The following ZCCHC7 variants were observed in gnomAD, a reference collection of about 807,000 sequenced individuals.
ZCCHC7 encodes the protein zinc finger CCHC-type containing 7.
In ZCCHC7, 35 loss-of-function variants were observed where a neutral mutation model predicts 52.0. The ratio of observed to expected loss-of-function variants is 0.67; its 90% confidence interval spans 0.51 to 0.89. The LOEUF (loss-of-function observed/expected upper bound fraction) is 0.89. Ranked by LOEUF, ZCCHC7 falls within the 40% of genes least tolerant of loss-of-function variation. The pLI is 0.00. For missense variants in ZCCHC7, 574 were observed against 649.1 expected (o/e 0.88, Z 1.26); for synonymous variants, 217 against 221.5 (o/e 0.98, Z 0.18).
chr9:37,267,398 T>G (rs1256159551), intron 2 of ZCCHC7, among the ~76,000 whole-genome samples: 1 of 151,558 alleles, frequency 6.6e-6, no homozygotes, highest in African/African-American at 2.4e-5. Context: ...CATTTGGTGG[T>G]GGGGGGGAGA....
At chr9:37,247,016 A>G (rs185085457) in intron 2 of ZCCHC7, among the ~76,000 whole-genome samples, 17 of 152,290 alleles carry the variant, frequency 1.1e-4, no homozygotes, top group Admixed American at 9.2e-4. Flanking sequence ...GTTGTACAAC[A>G]GATATCTTTA....
chr9:37,256,669 C>G (rs186994498), intron 2 of ZCCHC7, among the ~76,000 whole-genome samples: 129 of 152,212 alleles, frequency 8.5e-4, no homozygotes, highest in Non-Finnish European at 1.7e-3. Flanking sequence ...CAAAATAAAA[C>G]TCGGTGAACC....
At chr9:37,158,926 A>G (rs2132883787) in intron 2 of ZCCHC7, among the ~76,000 whole-genome samples, 1 of 152,370 alleles carries the variant, frequency 6.6e-6, no homozygotes, top group Middle Eastern at 3.4e-3. Context: ...AGCCACTTCC[A>G]GTGCAATCCT....
intron 2 of ZCCHC7, among the ~76,000 whole-genome samples, chr9:37,181,106 T>C (rs982018746): frequency 6.6e-6 from 1 of 152,192 alleles, no homozygotes; most frequent in African/African-American, 2.4e-5. Flanking sequence ...CAAATTACTT[T>C]GTGTAGTTTT....
chr9:37,164,017 A>G (rs1240490357), intron 2 of ZCCHC7, among the ~76,000 whole-genome samples: 1 of 151,760 alleles, frequency 6.6e-6, no homozygotes, highest in Non-Finnish European at 1.5e-5. Context: ...CATGATGCCT[A>G]TACTATACTC....
At chr9:37,175,288 C>A (rs990624153) in intron 2 of ZCCHC7, among the ~76,000 whole-genome samples, 1 of 152,102 alleles carries the variant, frequency 6.6e-6, no homozygotes, top group African/African-American at 2.4e-5. Context: ...TAAACCGTAT[C>A]GCAGAATAGC....
intron 6 of ZCCHC7, among the ~76,000 whole-genome samples, chr9:37,347,120 G>C (rs1451924919): frequency 6.6e-6 from 1 of 152,148 alleles, no homozygotes; most frequent in African/African-American, 2.4e-5. Context: ...AAAGCGTGGG[G>C]GTGTGCAGGG....
chr9:37,286,472 A>G (rs1485834288), intron 2 of ZCCHC7, among the ~76,000 whole-genome samples: 2 of 152,124 alleles, frequency 1.3e-5, no homozygotes, highest in Non-Finnish European at 2.9e-5. Flanking sequence ...AGCCTGGGCA[A>G]CATGGTGGAA....
At chr9:37,185,040 C>CT (rs796288751) in intron 2 of ZCCHC7, among the ~76,000 whole-genome samples, 4 of 151,388 alleles carry the variant, frequency 2.6e-5, no homozygotes, top group South Asian at 2.1e-4. Flanking sequence ...TTGCTGAGAT[C>CT]TTTTTTTTTC....
intron 2 of ZCCHC7, among the ~76,000 whole-genome samples, chr9:37,289,637 A>AT (rs1248510437): frequency 4.0e-5 from 6 of 151,694 alleles, no homozygotes; most frequent in Non-Finnish European, 7.4e-5. Flanking sequence ...CTTCCCATCT[A>AT]TTTTTTCTTC....
At chr9:37,138,933 A>G (rs1438634386) in intron 2 of ZCCHC7, among the ~76,000 whole-genome samples, 2 of 151,970 alleles carry the variant, frequency 1.3e-5, no homozygotes, top group African/African-American at 4.8e-5. Flanking sequence ...AGTAAATTTG[A>G]TGTGAGCTAC....
At chr9:37,305,505 T>C in intron 4 of ZCCHC7, 39 bp from the exon 5 acceptor site, 1 of 1,609,160 alleles carries the variant, frequency 6.2e-7, no homozygotes, top group Non-Finnish European at 8.5e-7. Flanking sequence ...CTTCTACCTT[T>C]TGAGACTGAA....
intron 2 of ZCCHC7, among the ~76,000 whole-genome samples, chr9:37,155,770 A>G (rs1165181708): frequency 6.6e-6 from 1 of 152,236 alleles, no homozygotes; most frequent in Non-Finnish European, 1.5e-5. Flanking sequence ...CTCTTTAAGT[A>G]GTACAGATAT....
rs1221749839 is a variant in ZCCHC7 at position 37,217,233 on chromosome 9, C to T, written c.611-84955C>T. 3.3e-5 allele frequency among the ~76,000 whole-genome samples: 5 copies of T among 151,916 alleles called. No individual in the cohort carries two copies. The East Asian group carries it at 5.8e-4, about 18-fold the overall frequency. On this transcript the variant is annotated intron_variant, in intron 2 of 8. Coordinates refer to ENST00000336755, the MANE Select transcript of ZCCHC7 (RefSeq NM_032226.3). ...CTTATTTCTAATTCTTAACAGTATC[C>T]GTGAAAATAAAAAGAAATGTTTCAT...
intron 2 of ZCCHC7, among the ~76,000 whole-genome samples, chr9:37,190,994 C>T (rs1178487042): frequency 6.6e-6 from 1 of 151,542 alleles, no homozygotes; most frequent in East Asian, 1.9e-4. Flanking sequence ...TGCACTCCAG[C>T]CTGGGCATCA....
At chr9:37,317,245 T>C (rs2117931548) in intron 5 of ZCCHC7, among the ~76,000 whole-genome samples, 1 of 152,286 alleles carries the variant, frequency 6.6e-6, no homozygotes, top group African/African-American at 2.4e-5. Flanking sequence ...TGAAAAGTAA[T>C]GGAGAAATCT....
In ZCCHC7 at chr9:37,294,956, G is replaced by A. The variant is rs1261109663; in HGVS notation, c.611-7232G>A. 2.0e-5 allele frequency among the ~76,000 whole-genome samples: 3 copies of A among 152,086 alleles called. No individual in the cohort carries two copies. In the East Asian group the frequency reaches 5.8e-4, roughly 29 times the overall value. ...GAGAATTTACTTCTACTACTAGAGG[G>A]AATTCAAAGGAGATAGAAATGTTAT... On this transcript the variant is annotated intron_variant, in intron 2 of 8. Transcript: ENST00000336755.
At chr9:37,147,839 G>A (rs778918059) in intron 2 of ZCCHC7, among the ~76,000 whole-genome samples, 7 of 151,858 alleles carry the variant, frequency 4.6e-5, no homozygotes, top group Non-Finnish European at 8.8e-5. Context: ...ATTTTTATTA[G>A]CATTGCATTT....
At chr9:37,131,577 G>A (rs1041412298) in intron 2 of ZCCHC7, among the ~76,000 whole-genome samples, 19 of 151,794 alleles carry the variant, frequency 1.3e-4, no homozygotes, top group East Asian at 7.7e-4. Context: ...CCTGGGAGGC[G>A]GAGGTTGCAG....
Sources: gnomAD v4.1 joint callset for allele counts (sites outside exome capture counted in the v4.1 genomes callset) on GRCh38, gnomAD v4.1.1 for gene constraint, MANE v1.5 for transcripts, NCBI Gene and HGNC (gene_info 2026-07-23, HGNC 2026-07-21) for gene names.